The following ZNRF2 variants were observed in gnomAD, a reference collection of about 807,000 sequenced individuals.
ZNRF2 encodes the protein E3 ubiquitin-protein ligase ZNRF2.
Under a neutral mutation model 20.4 loss-of-function variants are expected in ZNRF2, and 16 were observed. The ratio of observed to expected loss-of-function variants is 0.79; its 90% CI spans 0.53 to 1.19. ZNRF2 has a LOEUF of 1.19. ZNRF2 is among the 50% of genes most tolerant of loss of function. The pLI, the probability that ZNRF2 is intolerant of heterozygous loss-of-function variation, is 0.00. For missense variants in ZNRF2, 363 were observed against 332.4 expected, an observed-to-expected ratio of 1.09 and a Z score of -0.72; for synonymous variants, 178 against 144.9, an observed-to-expected ratio of 1.23 and a Z score of -1.64.
At chr7:30,358,567 C>T (rs1024766386) in intron 3 of ZNRF2, among the ~76,000 whole-genome samples, 8 of 152,204 alleles carry the variant, frequency 5.3e-5, no homozygotes, top group Non-Finnish European at 1.2e-4. Context: ...GCTGCCAAAA[C>T]TGCATGGGAA....
chr7:30,294,866 T>C (rs1196213031), intron 1 of ZNRF2, among the ~76,000 whole-genome samples: 3 of 151,870 alleles, frequency 2.0e-5, no homozygotes, highest in Non-Finnish European at 2.9e-5. Flanking sequence ...CAAAATAGCA[T>C]TAAGTGGAAA....
At chr7:30,364,939 T>G (rs1047735894) in intron 4 of ZNRF2, among the ~76,000 whole-genome samples, 7 of 152,076 alleles carry the variant, frequency 4.6e-5, no homozygotes, top group African/African-American at 1.7e-4. Flanking sequence ...CATTGCTCAT[T>G]TATGGCACCT....
chr7:30,316,984 G>A (rs1032539660), intron 1 of ZNRF2, among the ~76,000 whole-genome samples: 1 of 152,016 alleles, frequency 6.6e-6, no homozygotes, highest in African/African-American at 2.4e-5. Context: ...TATGGAAGTT[G>A]ATTTATTTGC....
chr7:30,290,330 A>G (rs1798878325), intron 1 of ZNRF2, among the ~76,000 whole-genome samples: 1 of 152,240 alleles, frequency 6.6e-6, no homozygotes, highest in Non-Finnish European at 1.5e-5. Context: ...GTTCTAAGCA[A>G]CACGTTTATT....
intron 3 of ZNRF2, among the ~76,000 whole-genome samples, chr7:30,359,338 A>C (rs1228306493): frequency 6.6e-6 from 1 of 152,202 alleles, no homozygotes; most frequent in African/African-American, 2.4e-5. Context: ...AAAGTAAAAA[A>C]CTAGACTTTA....
chr7:30,318,968 T>C (rs1799419347), intron 1 of ZNRF2, among the ~76,000 whole-genome samples: 1 of 151,854 alleles, frequency 6.6e-6, no homozygotes, highest in Admixed American at 6.6e-5. Context: ...AAAAATTAGC[T>C]GGGTGTGGTG....
At chr7:30,321,382 C>T (rs987724731) in intron 1 of ZNRF2, among the ~76,000 whole-genome samples, 2 of 152,022 alleles carry the variant, frequency 1.3e-5, no homozygotes, top group Admixed American at 6.6e-5. Flanking sequence ...TGCTCCGTGC[C>T]GTTGATGCTT....
chr7:30,295,340 G>GT (rs1799001731), intron 1 of ZNRF2, among the ~76,000 whole-genome samples: 1 of 152,124 alleles, frequency 6.6e-6, no homozygotes, highest in African/African-American at 2.4e-5. Flanking sequence ...ATGGGGAAGA[G>GT]TTTAAGTCTT....
intron 2 of ZNRF2, among the ~76,000 whole-genome samples, chr7:30,329,111 CAAATT>C (rs918055864): frequency 6.6e-5 from 10 of 152,040 alleles, no homozygotes; most frequent in African/African-American, 2.4e-4. Context: ...GACAAGCCAA[CAAATT>C]AAATATTATT....
chr7:30,318,664 G>C (rs546666911), intron 1 of ZNRF2, among the ~76,000 whole-genome samples: 1 of 152,284 alleles, frequency 6.6e-6, no homozygotes, highest in African/African-American at 2.4e-5. Flanking sequence ...TAAAAGTAGG[G>C]TTGGGCCACT....
chr7:30,339,146 T>C (rs1402504189), intron 2 of ZNRF2, among the ~76,000 whole-genome samples: 1 of 151,228 alleles, frequency 6.6e-6, no homozygotes, highest in African/African-American at 2.4e-5. Flanking sequence ...AAATTTAAGT[T>C]GTTTATAGAT....
Position 30,285,470 on chromosome 7 carries a change from G to T in ZNRF2, c.113G>T (p.Gly38Val). 1 of 1,118,774 alleles carries T rather than the reference G, an allele frequency of 8.9e-7. No homozygotes were observed. The highest frequency in any genetic ancestry group is 2.4e-5 in the South Asian group (1 of 41,508). The allele number at this position is 1,118,774 out of a possible 1,614,324, so 69.3% of individuals were successfully genotyped here. The change falls in exon 1 of 5, where the codon GGC (glycine) becomes GTC (valine). Residue 38 changes from glycine (G) to valine (V), a missense_variant. Gly to Val is a moderately radical substitution (Grantham distance 109). Around this residue, in one of 2 missense-constraint regions of ZNRF2, gnomAD observed 302 missense variants for 231.5 expected, o/e 1.30. Transcript: ENST00000323037. ...SGGANGTAGG[G>V]GGARAAAAGR... The stretch of plus-strand genomic sequence containing the variant: ...GGCGCCAATGGGACCGCGGGCGGCG[G>T]CGGGGGCGCTCGGGCCGCCGCCGCG...
chr7:30,317,960 A>G (rs563503492), intron 1 of ZNRF2, among the ~76,000 whole-genome samples: 2 of 152,212 alleles, frequency 1.3e-5, no homozygotes, highest in African/African-American at 4.8e-5. Flanking sequence ...GATTCATTCC[A>G]TTGTTTGTCA....
At chr7:30,319,055 T>C (rs939448601) in intron 1 of ZNRF2, among the ~76,000 whole-genome samples, 2 of 150,980 alleles carry the variant, frequency 1.3e-5, no homozygotes. Flanking sequence ...GAGGTTGCAG[T>C]GAGCCAAGAT....
chr7:30,356,572 T>C (rs1189298478), intron 3 of ZNRF2, among the ~76,000 whole-genome samples: 1 of 151,958 alleles, frequency 6.6e-6, no homozygotes, highest in African/African-American at 2.4e-5. Flanking sequence ...TAGAAAACTA[T>C]ATCCAGGCAA....
chr7:30,292,697 TG>T, intron 1 of ZNRF2, among the ~76,000 whole-genome samples: 1 of 152,174 alleles, frequency 6.6e-6, no homozygotes, highest in Non-Finnish European at 1.5e-5. Flanking sequence ...TGAGGATCTC[TG>T]GGGTAAAAAC....
At chr7:30,307,326 G>GTTTTTTTTTTTT (rs78007797) in intron 1 of ZNRF2, among the ~76,000 whole-genome samples, 82 of 43,234 alleles carry the variant, frequency 1.9e-3, no homozygotes, top group East Asian at 3.7e-3. Context: ...GTTTTTTTTT[G>GTTTTTTTTTTTT]TTTTTTTTTT....
At chr7:30,350,009 A>G (rs1477153305) in intron 2 of ZNRF2, among the ~76,000 whole-genome samples, 1 of 152,102 alleles carries the variant, frequency 6.6e-6, no homozygotes, top group East Asian at 1.9e-4. Context: ...TAACTTGGTA[A>G]TCTAATAATT....
At chr7:30,302,748 C>G (rs1799138807) in intron 1 of ZNRF2, among the ~76,000 whole-genome samples, 1 of 152,134 alleles carries the variant, frequency 6.6e-6, no homozygotes, top group Non-Finnish European at 1.5e-5. Context: ...ATCATCACTG[C>G]TACTCTTTAA....
Sources: allele counts gnomAD v4.1 joint callset (sites outside exome capture counted in the v4.1 genomes callset), GRCh38; gene constraint gnomAD v4.1.1; regional missense constraint gnomAD v4.1.1; transcripts MANE v1.5; gene names NCBI Gene and HGNC (gene_info 2026-07-23, HGNC 2026-07-21).